PSMD12: variants seen among roughly 807,000 people sequenced by gnomAD.
PSMD12 encodes proteasome 26S subunit, non-ATPase 12.
A neutral mutation model predicts 62.9 loss-of-function variants in PSMD12; 8 were observed. The ratio of observed to expected loss-of-function variants is 0.13; its 90% CI spans 0.07 to 0.23. The LOEUF (loss-of-function observed/expected upper bound fraction) is 0.23. PSMD12 is among the 10% of genes least tolerant of loss of function. The probability of loss-of-function intolerance (pLI) is 1.00; values close to 1 mark genes in which losing one functional copy is unlikely to be tolerated. For synonymous variants in PSMD12, 173 were observed against 187.4 expected (o/e 0.92, Z 0.63); for missense variants, 424 against 550.2 (o/e 0.77, Z 2.29).
At chr17:67,365,079 G>T (rs2042166640) in intron 1 of PSMD12, among the ~76,000 whole-genome samples, 1 of 151,920 alleles carries the variant, frequency 6.6e-6, no homozygotes. Flanking sequence ...AGCTACTCGG[G>T]AGGCGGAGGC....
In PSMD12 at chr17:67,356,354, C is replaced by T. The variant is rs1157336445; in HGVS notation, c.297+949G>A. Among the ~76,000 whole-genome samples the T allele has an allele frequency of 2.6e-5, 4 of 151,054 alleles. No homozygotes were observed. In the South Asian group the frequency reaches 6.3e-4, roughly 24 times the overall value. ...CGGGCGGATCACGAGGTCAGGAGAT[C>T]GAGACCATCCTGGCTAACACGGTGA... On this transcript the variant is annotated intron_variant, in intron 3 of 10. Coordinates refer to ENST00000356126, the MANE Select transcript of PSMD12 (RefSeq NM_002816.5).
At chr17:67,354,352 G>C (rs183754962) in intron 3 of PSMD12, among the ~76,000 whole-genome samples, 7 of 152,024 alleles carry the variant, frequency 4.6e-5, no homozygotes, top group African/African-American at 1.7e-4. Flanking sequence ...TGAGGCTGCA[G>C]TGAGCTATGA....
intron 1 of PSMD12, among the ~76,000 whole-genome samples, chr17:67,360,209 C>T (rs2042116690): frequency 1.3e-5 from 2 of 152,206 alleles, no homozygotes; most frequent in Admixed American, 1.3e-4. Context: ...GACAGTCACC[C>T]ATCACATTTG....
In PSMD12 at chr17:67,342,276, T is replaced by C. The variant is rs139603589; in HGVS notation, c.1084-13A>G. On this transcript the variant is annotated splice_polypyrimidine_tract_variant and intron_variant, in intron 9 of 10. Transcript: ENST00000356126. The stretch of plus-strand genomic sequence containing the variant: ...TTATTCTAATATTCTGGGGAGAGGA[T>C]AGAGAGCAGGGAGAACACGTAACAT... 7.6e-5 allele frequency: 115 copies of C among 1,518,854 alleles called. No individual in the cohort carries two copies. The highest frequency in any genetic ancestry group is 9.3e-5 in the Non-Finnish European group (102 of 1,096,390). The allele number at this position is 1,518,854 out of a possible 1,614,324, so 94.1% of individuals were successfully genotyped here. A position where few individuals can be genotyped will look rare whatever the true frequency, so the allele number is the denominator to read the frequency against.
At position 67,347,614 on chromosome 17, in the gene PSMD12, T is replaced by C. The variant is rs1171692152; in HGVS notation, c.511-129A>G. 4.7e-6 allele frequency: 4 copies of C among 849,918 alleles called. No individual in the cohort carries two copies. The African/African-American group carries it at 6.9e-5, about 15-fold the overall frequency. The allele number at this position is 849,918 out of a possible 1,614,324, so 52.6% of individuals were successfully genotyped here. On this transcript the variant is annotated intron_variant, in intron 5 of 10. Transcript: ENST00000356126. ...AACCTTCATGTATATAGGGAGAGTG[T>C]TGACAATTACATTAAAAGCTAGTTA...
rs149466883 is a variant in PSMD12 at position 67,365,092 on chromosome 17, G to A, written c.108+1320C>T. ...CTAGCTACTCGGGAGGCGGAGGCAGGAGAATCGTTTGAACCCGGGAGGCGG... is the reference window on the plus strand; with the variant it reads ...CTAGCTACTCGGGAGGCGGAGGCAGAAGAATCGTTTGAACCCGGGAGGCGG... On this transcript the variant is annotated intron_variant, in intron 1 of 10. Coordinates refer to ENST00000356126, the MANE Select transcript of PSMD12 (RefSeq NM_002816.5). Among the ~76,000 whole-genome samples, 782 of 151,694 alleles carry A rather than the reference G, an allele frequency of 5.2e-3. 5 individuals carry two copies. Among genetic ancestry groups the A allele is most frequent in the African/African-American group, 0.018 (738 of 41,308 alleles).
In PSMD12 at chr17:67,338,762, G is replaced by C. The variant is rs962854355; in HGVS notation, c.*2081C>G. On this transcript the variant is annotated 3_prime_UTR_variant, in exon 11 of 11. Transcript: ENST00000356126. ...AGCTACTTGGGAGGTTGAGGCAGGA[G>C]AACTGCTTGAATATGGGAGGCAAAG... 2.6e-5 allele frequency: 4 copies of C among 152,186 alleles called. No individual in the cohort carries two copies. The highest frequency in any genetic ancestry group is 5.9e-5 in the Non-Finnish European group (4 of 68,056). The allele number at this position is 152,186 out of a possible 1,614,324, so 9.4% of individuals were successfully genotyped here. A position where few individuals can be genotyped will look rare whatever the true frequency, so the allele number is the denominator to read the frequency against.
At position 67,357,634 on chromosome 17, in the gene PSMD12, G is replaced by A. The variant is rs1191854194; in HGVS notation, c.109-56C>T. Reference sequence around the variant, plus strand: ...AAAACACACAAAATGCAAATAACTAGTCTAAAATGAAATGGTTTTGACACA... The same window carrying A: ...AAAACACACAAAATGCAAATAACTAATCTAAAATGAAATGGTTTTGACACA... On this transcript the variant is annotated intron_variant, in intron 1 of 10. Coordinates refer to ENST00000356126, the MANE Select transcript of PSMD12 (RefSeq NM_002816.5). 11 of 1,526,624 alleles carry A rather than the reference G, an allele frequency of 7.2e-6. No homozygotes were observed. The South Asian group carries it at 1.1e-4, about 16-fold the overall frequency. The allele number at this position is 1,526,624 out of a possible 1,614,324, so 94.6% of individuals were successfully genotyped here.
In PSMD12 at chr17:67,344,639, C is replaced by G; in HGVS notation, c.1050G>C (p.Arg350Ser). Residue 350 changes from arginine (R) to serine (S), a missense_variant, in exon 9 of 11, where the codon AGG becomes AGC. Arg to Ser is a moderately radical substitution (Grantham distance 110, BLOSUM62 -1). Coordinates refer to ENST00000356126, the MANE Select transcript of PSMD12 (RefSeq NM_002816.5). The part of the protein sequence containing the change: ...VFGSTEEGEK[R>S]WKDLKNRVVE... The stretch of plus-strand genomic sequence containing the variant: ...CAACTCTGTTCTTCAAGTCTTTCCA[C>G]CTTTTTTCACCTTCCTCTGTAGAAC... 1 of 1,611,886 alleles carries G rather than the reference C, an allele frequency of 6.2e-7. No homozygotes were observed. Among genetic ancestry groups the G allele is most frequent in the Non-Finnish European group, 8.5e-7 (1 of 1,178,672 alleles).
intron 8 of PSMD12, 114 bp downstream of exon 8, chr17:67,345,631 A>T (rs537267326): frequency 2.4e-6 from 2 of 836,862 alleles, no homozygotes; most frequent in Non-Finnish European, 3.8e-6. Context: ...AACAATAGTA[A>T]AACTCCATCT....
chr17:67,359,994 C>T (rs1486476040), intron 1 of PSMD12, among the ~76,000 whole-genome samples: 2 of 152,142 alleles, frequency 1.3e-5, no homozygotes, highest in Non-Finnish European at 2.9e-5. Flanking sequence ...CTTAAAATGA[C>T]TTGCTTAGCC....
At chr17:67,361,560 T>A (rs990033297) in intron 1 of PSMD12, among the ~76,000 whole-genome samples, 1 of 151,834 alleles carries the variant, frequency 6.6e-6, no homozygotes, top group African/African-American at 2.4e-5. Flanking sequence ...CCAGCCTGGG[T>A]GAAAGAGCGA....
intron 8 of PSMD12, among the ~76,000 whole-genome samples, chr17:67,345,102 A>T (rs577187904): frequency 6.6e-6 from 1 of 152,352 alleles, no homozygotes; most frequent in South Asian, 2.1e-4. Flanking sequence ...ATTTTATATA[A>T]TAGATTTTCA....
At chr17:67,361,911 G>C (rs145919865) in intron 1 of PSMD12, among the ~76,000 whole-genome samples, 2 of 64,564 alleles carry the variant, frequency 3.1e-5, no homozygotes, top group Non-Finnish European at 7.0e-5. Flanking sequence ...AAAAAAAAAG[G>C]AAGGAAGGAA....
At chr17:67,346,848 G>A (rs1319563317) in intron 7 of PSMD12, among the ~76,000 whole-genome samples, 1 of 152,100 alleles carries the variant, frequency 6.6e-6, no homozygotes, top group Non-Finnish European at 1.5e-5. Flanking sequence ...ATTTTCCAAA[G>A]TAATGCCGGG....
intron 1 of PSMD12, chr17:67,361,366 G>C (rs1274385246): frequency 6.6e-6 from 1 of 152,174 alleles, no homozygotes; most frequent in Non-Finnish European, 1.5e-5. Context: ...CAGATCACTT[G>C]AGGTCAGGAG....
intron 3 of PSMD12, among the ~76,000 whole-genome samples, chr17:67,355,828 C>T (rs575635475): frequency 2.6e-5 from 4 of 152,054 alleles, no homozygotes; most frequent in Non-Finnish European, 4.4e-5. Context: ...CTAAAAATGG[C>T]CTCAAAAATA....
At chr17:67,343,841 T>C (rs1442367472) in intron 9 of PSMD12, among the ~76,000 whole-genome samples, 2 of 152,112 alleles carry the variant, frequency 1.3e-5, no homozygotes, top group Admixed American at 1.3e-4. Flanking sequence ...GTAGCTGGGA[T>C]TACAGGTGTG....
intron 8 of PSMD12, 98 bp from the exon 9 acceptor site, chr17:67,344,878 G>A (rs893417898): frequency 7.7e-6 from 8 of 1,040,106 alleles, no homozygotes; most frequent in Non-Finnish European, 1.1e-5. Flanking sequence ...GACTGTTTTC[G>A]TTAAATTTTA....
Sources: allele counts gnomAD v4.1 joint callset (sites outside exome capture counted in the v4.1 genomes callset), GRCh38; gene constraint gnomAD v4.1.1; transcripts MANE v1.5; gene names NCBI Gene and HGNC (gene_info 2026-07-23, HGNC 2026-07-21).